OPCML: variants seen among roughly 807,000 people sequenced by gnomAD.
The protein encoded by OPCML is opioid-binding protein/cell adhesion molecule.
Under a neutral mutation model 37.8 loss-of-function variants are expected in OPCML, and 13 were observed. That is an observed-to-expected ratio of 0.34 (90% CI 0.22 to 0.55). OPCML has a LOEUF of 0.55. Ranked by LOEUF, OPCML falls within the 20% of genes least tolerant of loss-of-function variation. The pLI is 0.91. For synonymous variants in OPCML, 176 were observed against 168.8 expected (o/e 1.04, Z -0.33); for missense variants, 341 against 435.6 (o/e 0.78, Z 1.93).
At chr11:132,443,781 A>G (rs1159858801) in intron 4 of OPCML, among the ~76,000 whole-genome samples, 1 of 152,216 alleles carries the variant, frequency 6.6e-6, no homozygotes, top group Non-Finnish European at 1.5e-5. Flanking sequence ...TGTCCTTGAT[A>G]TGTGCAGGGA....
intron 1 of OPCML, among the ~76,000 whole-genome samples, chr11:133,424,689 T>A (rs1346098755): frequency 6.6e-6 from 1 of 152,244 alleles, no homozygotes; most frequent in East Asian, 1.9e-4. Context: ...TCATCTTTTG[T>A]TCGTGTCTTT....
chr11:133,437,532 C>A (rs942344073), intron 1 of OPCML, among the ~76,000 whole-genome samples: 4 of 152,064 alleles, frequency 2.6e-5, no homozygotes, highest in African/African-American at 9.7e-5. Flanking sequence ...CTCAGCCAAC[C>A]GACTCTTCCC....
At chr11:133,289,969 C>G (rs964197432) in intron 1 of OPCML, among the ~76,000 whole-genome samples, 3 of 152,164 alleles carry the variant, frequency 2.0e-5, no homozygotes, top group Non-Finnish European at 4.4e-5. Context: ...AACTGAGGAA[C>G]CTTGGAAGAA....
At chr11:132,827,911 G>A (rs1004907023) in intron 2 of OPCML, among the ~76,000 whole-genome samples, 2 of 151,992 alleles carry the variant, frequency 1.3e-5, no homozygotes, top group Admixed American at 6.6e-5. Flanking sequence ...GATTACAGGT[G>A]TGAGCCACCG....
chr11:133,380,086 G>T (rs990005147), intron 1 of OPCML, among the ~76,000 whole-genome samples: 1 of 152,190 alleles, frequency 6.6e-6, no homozygotes, highest in Non-Finnish European at 1.5e-5. Context: ...GTACAACATG[G>T]TTCTTGCCCT....
chr11:132,916,344 G>T (rs189877362), intron 2 of OPCML, among the ~76,000 whole-genome samples: 11 of 152,190 alleles, frequency 7.2e-5, no homozygotes, highest in Admixed American at 7.2e-4. Flanking sequence ...TGACTCTGGG[G>T]TTCCATGGCC....
In OPCML at chr11:133,419,206, C is replaced by A. The variant is rs916338127; in HGVS notation, c.61+113058G>T. On this transcript the variant is annotated intron_variant, in intron 1 of 7. Transcript: ENST00000524381. ...AAGTTGGCTTTTTCTGTGCAACGGG[C>A]CAGGAGACCCTGTGAGGTAATTACA... The A allele has an allele frequency of 4.1e-6, 4 of 982,246 alleles. No individual in the cohort carries two copies. In the African/African-American group the frequency reaches 7.0e-5, roughly 17 times the overall value. 60.8% of individuals were successfully genotyped at this position (982,246 alleles called of 1,614,324 possible).
chr11:133,179,935 G>C (rs1937742280), intron 1 of OPCML, among the ~76,000 whole-genome samples: 1 of 152,200 alleles, frequency 6.6e-6, no homozygotes, highest in South Asian at 2.1e-4. Flanking sequence ...AAGCTGGAAG[G>C]TGAAGCTGGG....
At chr11:133,423,227 C>A (rs1945929751) in intron 1 of OPCML, 1 of 985,264 alleles carries the variant, frequency 1.0e-6, no homozygotes, top group Non-Finnish European at 1.2e-6. Context: ...ATTTTAATTG[C>A]CTCATTCTAG....
chr11:133,378,464 T>C (rs887215796), intron 1 of OPCML, among the ~76,000 whole-genome samples: 12 of 152,282 alleles, frequency 7.9e-5, no homozygotes, highest in Admixed American at 3.3e-4. Flanking sequence ...ATCCCTGTTA[T>C]TTCCTCCCCT....
At chr11:133,055,707 T>C (rs1029663654) in intron 1 of OPCML, among the ~76,000 whole-genome samples, 1 of 151,168 alleles carries the variant, frequency 6.6e-6, no homozygotes. Flanking sequence ...TGAGACCCCA[T>C]GAGGGAGCCA....
intron 1 of OPCML, among the ~76,000 whole-genome samples, chr11:133,458,523 C>CTG (rs1275349584): frequency 1.1e-5 from 1 of 94,306 alleles, no homozygotes; most frequent in Non-Finnish European, 1.7e-5. Flanking sequence ...CATATATACA[C>CTG]TGTGTGTGTA....
At chr11:133,370,861 A>G (rs1173229481) in intron 1 of OPCML, among the ~76,000 whole-genome samples, 1 of 152,240 alleles carries the variant, frequency 6.6e-6, no homozygotes, top group Non-Finnish European at 1.5e-5. Flanking sequence ...AGCAAAGCAA[A>G]TAACCAAAAG....
At chr11:132,802,599 T>C (rs1938725991) in intron 2 of OPCML, among the ~76,000 whole-genome samples, 2 of 146,876 alleles carry the variant, frequency 1.4e-5, no homozygotes, top group African/African-American at 5.0e-5. Flanking sequence ...ACATAACAAA[T>C]ACCAACAGCA....
chr11:132,651,964 C>A lies in OPCML; in HGVS notation c.379+5123G>T, dbSNP rs1172516810. 5.3e-4 allele frequency among the ~76,000 whole-genome samples: 81 copies of A among 152,108 alleles called. 2 individuals are homozygous for A. The highest frequency in any genetic ancestry group is 5.3e-3 in the Admixed American group (81 of 15,274). ...GAAAGCAGGTAGAGAATACCTACATCCAAAAAGCAACCATAGACGGATCTT... is the reference window on the plus strand; with the variant it reads ...GAAAGCAGGTAGAGAATACCTACATACAAAAAGCAACCATAGACGGATCTT... On this transcript the variant is annotated intron_variant, in intron 3 of 7. Transcript: ENST00000524381.
chr11:133,168,333 G>T (rs1006105888), intron 1 of OPCML, among the ~76,000 whole-genome samples: 2 of 152,162 alleles, frequency 1.3e-5, no homozygotes, highest in African/African-American at 2.4e-5. Flanking sequence ...CTGGGGCTTG[G>T]GGGGAAGAGA....
At chr11:133,097,555 A>G (rs949467071) in intron 1 of OPCML, among the ~76,000 whole-genome samples, 1 of 152,176 alleles carries the variant, frequency 6.6e-6, no homozygotes, top group African/African-American at 2.4e-5. Context: ...GAGAAAATGA[A>G]CAGAGAAAAT....
At chr11:133,346,570 TG>T (rs1358149790) in intron 1 of OPCML, among the ~76,000 whole-genome samples, 4 of 152,192 alleles carry the variant, frequency 2.6e-5, no homozygotes, top group Admixed American at 2.6e-4. Context: ...ACCAGGTGTC[TG>T]GTCTCTGCAG....
chr11:132,558,251 C>G (rs1355903370), intron 3 of OPCML, among the ~76,000 whole-genome samples: 1 of 149,914 alleles, frequency 6.7e-6, no homozygotes, highest in Middle Eastern at 3.2e-3. Flanking sequence ...TCTTCTTCTT[C>G]TTCCTCTTCC....
Sources: gnomAD v4.1 joint callset for allele counts (sites outside exome capture counted in the v4.1 genomes callset) on GRCh38, gnomAD v4.1.1 for gene constraint, MANE v1.5 for transcripts, NCBI Gene and HGNC (gene_info 2026-07-23, HGNC 2026-07-21) for gene names.